Variants in LYST observed in about 807,000 individuals in gnomAD.
LYST encodes lysosomal trafficking regulator, also known as lysosomal-trafficking regulator.
Under a neutral mutation model 413.6 loss-of-function variants are expected in LYST, and 192 were observed. The observed-to-expected ratio is 0.46, with a 90% CI of 0.41 to 0.52. The LOEUF (loss-of-function observed/expected upper bound fraction) is 0.52. Among genes scored for constraint, LYST ranks in the 20% least tolerant of loss-of-function variants. LYST has a pLI of 0.00. For missense variants in LYST, 3,815 were observed against 4,499.9 expected (o/e 0.85, Z 4.35); for synonymous variants, 1,525 against 1,567.3 (o/e 0.97, Z 0.64).
intron 20 of LYST, among the ~76,000 whole-genome samples, chr1:235,766,670 A>G (rs529977103): frequency 7.9e-5 from 12 of 152,244 alleles, no homozygotes; most frequent in Non-Finnish European, 1.5e-4. Context: ...TGTGAGTAAT[A>G]CTAGTGCTAC....
At chr1:235,850,727 C>T (rs1245999256) in intron 1 of LYST, among the ~76,000 whole-genome samples, 4 of 152,068 alleles carry the variant, frequency 2.6e-5, no homozygotes, top group African/African-American at 9.7e-5. Flanking sequence ...CATGAATAGA[C>T]AGTTCTCAAA....
chr1:235,852,775 G>A (rs1390718819), intron 1 of LYST, among the ~76,000 whole-genome samples: 1 of 152,108 alleles, frequency 6.6e-6, no homozygotes, highest in African/African-American at 2.4e-5. Flanking sequence ...CGATCTCTGG[G>A]TTAATGACCA....
chr1:235,663,647 A>T (rs1388759994), intron 52 of LYST, among the ~76,000 whole-genome samples: 1 of 152,228 alleles, frequency 6.6e-6, no homozygotes, highest in African/African-American at 2.4e-5. Context: ...CTGATTATTT[A>T]TCTATTTTGT....
rs757064012 is a variant in LYST, at chr1:235,802,950, C to T, written c.3670G>A (p.Asp1224Asn). ...LLVEEEGYEA[D>N]SESNPEDGET... Reference sequence around the variant, plus strand: ...CCATCTTCAGGATTGCTTTCACTATCTGCTTCGTAACCTTCTTCTTCAACT... The same window carrying T: ...CCATCTTCAGGATTGCTTTCACTATTTGCTTCGTAACCTTCTTCTTCAACT... Residue 1224 changes from aspartate to asparagine, a missense_variant, in exon 8 of 53, where the codon GAT becomes AAT. Physicochemically the swap from Asp to Asn is conservative, Grantham distance 23. Around this residue, in one of 4 missense-constraint regions of LYST, gnomAD observed 1,648 missense variants for 1,810.3 expected, o/e 0.91. Coordinates refer to ENST00000389793, the MANE Select transcript of LYST (RefSeq NM_000081.4). 6.2e-7 allele frequency: 1 copy of T among 1,613,618 alleles called. No homozygotes were observed. Among genetic ancestry groups the T allele is most frequent in the Non-Finnish European group, 8.5e-7 (1 of 1,179,820 alleles).
chr1:235,711,589 C>T (rs753725793), intron 43 of LYST, among the ~76,000 whole-genome samples: 4 of 152,134 alleles, frequency 2.6e-5, no homozygotes, highest in Non-Finnish European at 4.4e-5. Flanking sequence ...GTTGGCATCA[C>T]AGAAAATTTG....
At chr1:235,759,819 A>G (rs1385761849) in intron 22 of LYST, among the ~76,000 whole-genome samples, 3 of 152,090 alleles carry the variant, frequency 2.0e-5, no homozygotes, top group African/African-American at 7.2e-5. Context: ...TGACACAATC[A>G]CAGCTTACTG....
chr1:235,664,683 G>A lies in LYST; in HGVS notation c.11039-62C>T. ...GTGGCTGTCTCAGAGCCCACATTTG[G>A]CCCCAGAAGGGCAACCCTGAAGGGC... On this transcript the variant is annotated intron_variant, in intron 50 of 52. Coordinates refer to ENST00000389793, the MANE Select transcript of LYST (RefSeq NM_000081.4). The surrounding 1 kb of genome is among the most constrained non-coding windows in gnomAD (Gnocchi z 4.5). 6.4e-7 allele frequency: 1 copy of A among 1,562,232 alleles called. No homozygotes were observed. Among genetic ancestry groups the A allele is most frequent in the Non-Finnish European group, 8.8e-7 (1 of 1,134,442 alleles).
chr1:235,687,094 A>G, intron 47 of LYST, 47 bp from the exon 48 acceptor site: 1 of 1,239,522 alleles, frequency 8.1e-7, no homozygotes, highest in Non-Finnish European at 1.2e-6. Flanking sequence ...AAAAGAATGA[A>G]ACTTAAAGTA....
intron 17 of LYST, among the ~76,000 whole-genome samples, chr1:235,776,453 C>T (rs377041685): frequency 5.9e-5 from 9 of 152,246 alleles, no homozygotes; most frequent in South Asian, 2.1e-4. Flanking sequence ...ATCAAAGCTG[C>T]TTTAATTAAA....
At position 235,702,801 on chromosome 1, in the gene LYST, T is replaced by G. The variant is rs770890620; in HGVS notation, c.10320A>C (p.Leu3440=). Residue 3440 remains leucine (L), a synonymous_variant, in exon 45 of 53, where the codon CTA becomes CTC. Transcript: ENST00000389793. The stretch of plus-strand genomic sequence containing the variant: ...GGGTCTCCCTGAAAGCAAACTGCAC[T>G]AGCAACCCCACAGCAGCTGGAAGCT... ...EGELPAAVGL[L]VQFAFRETRE... is the part of the protein sequence containing the mutation. The G allele has an allele frequency of 6.2e-7, 1 of 1,614,170 alleles. No homozygotes were observed. The highest frequency in any genetic ancestry group is 8.5e-7 in the Non-Finnish European group (1 of 1,180,030).
At chr1:235,841,520 A>G (rs923512786) in intron 1 of LYST, among the ~76,000 whole-genome samples, 4 of 152,194 alleles carry the variant, frequency 2.6e-5, no homozygotes, top group African/African-American at 9.7e-5. Flanking sequence ...GGCAAATGCT[A>G]CACATTAGGG....
chr1:235,694,435 G>A (rs1660930421), intron 46 of LYST, among the ~76,000 whole-genome samples: 3 of 152,102 alleles, frequency 2.0e-5, no homozygotes, highest in Admixed American at 6.5e-5. Flanking sequence ...ATAGCTAAAT[G>A]CAGCATATAT....
chr1:235,781,802 G>A lies in LYST; in HGVS notation c.5023+125C>T, dbSNP rs185092973. The A allele has an allele frequency of 1.2e-3, 824 of 690,046 alleles. 11 individuals are homozygous for A. In the East Asian group the frequency reaches 0.022, roughly 18 times the overall value. The allele number at this position is 690,046 out of a possible 1,614,324, so 42.7% of individuals were successfully genotyped here. On this transcript the variant is annotated intron_variant, in intron 15 of 52. Transcript: ENST00000389793. Reference sequence around the variant, plus strand: ...TAAAGGAACATAGATGGATATTTTAGCCAGGTTAATTTACTTAGTTTAATA... The same window carrying A: ...TAAAGGAACATAGATGGATATTTTAACCAGGTTAATTTACTTAGTTTAATA...
chr1:235,715,337 G>A lies in LYST; in HGVS notation c.9648C>T (p.Arg3216=). Residue 3216 remains arginine (R), a synonymous_variant, in exon 42 of 53, where the codon CGC becomes CGT. Coordinates refer to ENST00000389793, the MANE Select transcript of LYST (RefSeq NM_000081.4). ...DTYKYLEEEY[R]KGAREDDPMP... is the part of the protein sequence containing the mutation. ...TGGGGTCATCTTCTCTGGCTCCTTT[G>A]CGGTACTCTTCCTCCAAGTACTGAA... 1.2e-6 allele frequency: 2 copies of A among 1,613,908 alleles called. No individual in the cohort carries two copies. Among genetic ancestry groups the A allele is most frequent in the African/African-American group, 1.3e-5 (1 of 75,004 alleles).
At chr1:235,764,533 CTT>C (rs1445743099) in intron 21 of LYST, among the ~76,000 whole-genome samples, 1 of 87,648 alleles carries the variant, frequency 1.1e-5, no homozygotes, top group African/African-American at 4.9e-5. Context: ...GAGGTTTGCT[CTT>C]GTCACCCAGG....
chr1:235,724,217 C>T (rs372739017), intron 38 of LYST, 37 bp from the exon 39 acceptor site: 53 of 1,541,138 alleles, frequency 3.4e-5, no homozygotes, highest in African/African-American at 3.3e-4. Context: ...TTTGTTTTAC[C>T]GGAAATATAA....
Position 235,831,249 on chromosome 1 carries a change from C to A in LYST, c.-7-825G>T, listed in dbSNP as rs1675939696. On this transcript the variant is annotated intron_variant, in intron 2 of 52. Transcript: ENST00000389793. ...TCAGGGGGAAGCCCTCCCCACAGTC[C>A]CTGCTGAGAGGGCAGTGCACATATG... Among the ~76,000 whole-genome samples the A allele has an allele frequency of 3.9e-5, 6 of 152,176 alleles. No homozygotes were observed. In the South Asian group the frequency reaches 1.2e-3, roughly 31 times the overall value.
intron 3 of LYST, among the ~76,000 whole-genome samples, chr1:235,825,270 T>C (rs1558305381): frequency 1.3e-5 from 2 of 152,322 alleles, no homozygotes; most frequent in Admixed American, 6.5e-5. Flanking sequence ...AAATACCTCA[T>C]GCTTCTCCTT....
rs200175567 is a variant in LYST at position 235,762,803 on chromosome 1, T to C, written c.6170A>G (p.His2057Arg). ...AAGGGACCTTCCTCCACTGCTGGAA[T>C]GCCTCAGGTACATGATTGACCGCAC... ...EKVRSIMYLR[H>R]SSSGGRSLMS... The change falls in exon 22 of 53, where the codon CAT becomes CGT. Residue 2057 changes from histidine to arginine, a missense_variant. His to Arg is a conservative substitution (Grantham distance 29). This residue lies in a region of LYST where 530 missense variants were observed against 696.5 expected (regional missense o/e 0.76). Transcript: ENST00000389793. 12 of 1,613,492 alleles carry C rather than the reference T, an allele frequency of 7.4e-6. No homozygotes were observed. The highest frequency in any genetic ancestry group is 9.3e-6 in the Non-Finnish European group (11 of 1,179,524).
Sources: gnomAD v4.1 joint callset for allele counts (sites outside exome capture counted in the v4.1 genomes callset) on GRCh38, gnomAD v4.1.1 for gene constraint, gnomAD v4.1.1 regional missense constraint, Gnocchi (gnomAD v3.1) non-coding constraint, MANE v1.5 for transcripts, NCBI Gene and HGNC (gene_info 2026-07-23, HGNC 2026-07-21) for gene names.